AARS1: variants seen among roughly 807,000 people sequenced by gnomAD.
AARS1 encodes the protein alanine--tRNA ligase, cytoplasmic.
Under a neutral mutation model 108.9 loss-of-function variants are expected in AARS1, and 72 were observed. The ratio of observed to expected loss-of-function variants is 0.66; its 90% CI spans 0.55 to 0.80. The LOEUF (loss-of-function observed/expected upper bound fraction) is 0.80, where lower values mean the gene tolerates loss of function less well. Ranked by LOEUF, AARS1 falls within the 30% of genes least tolerant of loss-of-function variation. The pLI is 0.00. For synonymous variants in AARS1, 489 were observed against 465.7 expected (o/e 1.05, Z -0.64); for missense variants, 1,193 against 1,233.2 (o/e 0.97, Z 0.49).
intron 16 of AARS1, among the ~76,000 whole-genome samples, chr16:70,255,387 A>C (rs557167313): frequency 1.3e-5 from 2 of 151,960 alleles, no homozygotes; most frequent in East Asian, 3.9e-4. Context: ...TTTAGTAGAG[A>C]CAGGGTTTCA....
chr16:70,275,464 T>C (rs912474883), intron 4 of AARS1, among the ~76,000 whole-genome samples: 1 of 128,658 alleles, frequency 7.8e-6, no homozygotes, highest in Non-Finnish European at 1.6e-5. Context: ...AAAATATATA[T>C]ATATAAAAAA....
chr16:70,257,364 G>A (rs925554202), intron 15 of AARS1, among the ~76,000 whole-genome samples: 4 of 152,094 alleles, frequency 2.6e-5, no homozygotes, highest in Admixed American at 6.5e-5. Context: ...GCAATGAGCC[G>A]AGACTGTGCC....
At chr16:70,282,522 C>A in intron 2 of AARS1, 98 bp downstream of exon 2, 1 of 1,462,622 alleles carries the variant, frequency 6.8e-7, no homozygotes. Flanking sequence ...CAGGGAGTGA[C>A]AGAACCAGAA....
In AARS1 at chr16:70,253,367, GGCTTCATTCA is replaced by G; in HGVS notation, c.2612_2621del (p.Leu871ProfsTer2). 6.2e-7 allele frequency: 1 copy of G among 1,614,030 alleles called. No individual in the cohort carries two copies. The highest frequency in any genetic ancestry group is 1.1e-5 in the South Asian group (1 of 91,068). ...GGGAGTGCATCTTGAAGAGCTTCAA[GGCTTCATTCA>G]GGGCCTGTGGGGAGGACCTGGCTCA... On this transcript the variant is annotated frameshift_variant, in exon 20 of 21. Coordinates refer to ENST00000261772, the MANE Select transcript of AARS1 (RefSeq NM_001605.3). LOFTEE classifies it high-confidence loss of function.
intron 1 of AARS1, 81 bp from the exon 2 acceptor site, chr16:70,282,865 A>G (rs1356548866): frequency 7.1e-7 from 1 of 1,414,906 alleles, no homozygotes; most frequent in Non-Finnish European, 9.9e-7. Context: ...CTGGCTTCTC[A>G]AGCCAAGTCA....
In AARS1 at chr16:70,253,969, T is replaced by C. The variant is rs1358638513; in HGVS notation, c.2470A>G (p.Lys824Glu). Reference protein sequence around the residue: ...ELRETLKSLKKVMDDLDRASK... With the variant: ...ELRETLKSLKEVMDDLDRASK... ...GCTCGGTCCAAGTCATCCATGACCTTCTTTAGGGATTTGAGAGTCTCCCGC... is the reference window on the plus strand; with the variant it reads ...GCTCGGTCCAAGTCATCCATGACCTCCTTTAGGGATTTGAGAGTCTCCCGC... The change falls in exon 18 of 21, where the codon AAG (lysine) becomes GAG (glutamate). Residue 824 changes from lysine (K) to glutamate (E), a missense_variant. Lys to Glu is a moderately conservative substitution (Grantham distance 56). Coordinates refer to ENST00000261772, the MANE Select transcript of AARS1 (RefSeq NM_001605.3). 3 of 1,614,142 alleles carry C rather than the reference T, an allele frequency of 1.9e-6. No individual in the cohort carries two copies. The highest frequency in any genetic ancestry group is 1.1e-5 in the South Asian group (1 of 91,078).
intron 4 of AARS1, among the ~76,000 whole-genome samples, chr16:70,275,719 C>T (rs185434047): frequency 3.0e-4 from 46 of 151,218 alleles, no homozygotes; most frequent in Admixed American, 3.3e-4. Context: ...GCTGAGATCG[C>T]GCCACTGCAC....
chr16:70,272,028 G>T, intron 4 of AARS1, 56 bp from the exon 5 acceptor site: 1 of 1,546,202 alleles, frequency 6.5e-7, no homozygotes, highest in South Asian at 1.1e-5. Context: ...GTTCTGCCCA[G>T]ACTTGCAACC....
intron 4 of AARS1, among the ~76,000 whole-genome samples, chr16:70,275,624 G>A (rs188113250): frequency 5.1e-4 from 78 of 151,802 alleles, no homozygotes; most frequent in African/African-American, 1.7e-3. Flanking sequence ...TTAGCCGGGC[G>A]TGGTGGTGGG....
At chr16:70,262,077 T>C (rs1597437575) in intron 12 of AARS1, among the ~76,000 whole-genome samples, 1 of 152,068 alleles carries the variant, frequency 6.6e-6, no homozygotes. Context: ...CAAGGACATC[T>C]CCCCTTCAGA....
At chr16:70,253,641 G>A in intron 19 of AARS1, 73 bp downstream of exon 19, 1 of 1,531,844 alleles carries the variant, frequency 6.5e-7, no homozygotes, top group Non-Finnish European at 9.0e-7. Flanking sequence ...TTCGCTCAGA[G>A]CCACAGAGGC....
chr16:70,277,104 C>T lies in AARS1; in HGVS notation c.195G>A (p.Lys65=), dbSNP rs755100106. Residue 65 remains lysine (K), a synonymous_variant, in exon 3 of 21, where the codon AAG becomes AAA. Coordinates refer to ENST00000261772, the MANE Select transcript of AARS1 (RefSeq NM_001605.3). Reference sequence around the variant, plus strand: ...TCTGGGTATTGGCAGCTCTGCTCAGCTTTGCCATGGGGTGAGATGGGTCAA... The same window carrying T: ...TCTGGGTATTGGCAGCTCTGCTCAGTTTTGCCATGGGGTGAGATGGGTCAA... ...NTIDPSHPMA[K]LSRAANTQKC... is the part of the protein sequence containing the mutation. 1.9e-6 allele frequency: 3 copies of T among 1,614,182 alleles called. No individual in the cohort carries two copies. The East Asian group carries it at 6.7e-5, about 36-fold the overall frequency.
At chr16:70,275,128 C>T (rs1227582170) in intron 4 of AARS1, among the ~76,000 whole-genome samples, 2 of 151,170 alleles carry the variant, frequency 1.3e-5, no homozygotes, top group Middle Eastern at 3.5e-3. Flanking sequence ...GGTGTGGTGG[C>T]GCGCACCTGT....
At chr16:70,272,279 C>G (rs573432197) in intron 4 of AARS1, among the ~76,000 whole-genome samples, 1 of 151,364 alleles carries the variant, frequency 6.6e-6, no homozygotes. Context: ...CCGAGGCGGG[C>G]GGATCACCTG....
intron 16 of AARS1, among the ~76,000 whole-genome samples, chr16:70,255,194 AT>A (rs946837808): frequency 0.042 from 4,365 of 104,196 alleles, 44 homozygotes; most frequent in East Asian, 0.1. Context: ...CCAGATTCAC[AT>A]TTTTTTTTTT....
chr16:70,273,929 C>T (rs1309765621), intron 4 of AARS1, among the ~76,000 whole-genome samples: 2 of 149,948 alleles, frequency 1.3e-5, no homozygotes, highest in East Asian at 2.0e-4. Context: ...CCTAGTTACT[C>T]GGGAGGCTGA....
intron 6 of AARS1, 24 bp downstream of exon 6, chr16:70,270,172 C>T (rs56115411): frequency 6.2e-7 from 1 of 1,613,820 alleles, no homozygotes; most frequent in Non-Finnish European, 8.5e-7. Context: ...CAGAAGTTTA[C>T]AATGTTTGCA....
chr16:70,252,650 A>C lies in AARS1; in HGVS notation c.*71T>G, dbSNP rs1417767302. The C allele has an allele frequency of 7.1e-6, 11 of 1,558,870 alleles. No individual in the cohort carries two copies. Among genetic ancestry groups the C allele is most frequent in the Middle Eastern group, 2.1e-4 (1 of 4,670 alleles). On this transcript the variant is annotated 3_prime_UTR_variant, in exon 21 of 21. Transcript: ENST00000261772. ...GGCTCTTTAAAGGTCCCAAGATTCA[A>C]ATGTTCTTGTAGCAGATGAAGAGCT...
chr16:70,270,738 G>C (rs1331487831), intron 5 of AARS1, among the ~76,000 whole-genome samples: 4 of 150,820 alleles, frequency 2.7e-5, no homozygotes, highest in Non-Finnish European at 4.4e-5. Flanking sequence ...TCGGGAGGCT[G>C]AAGCAGGAGA....
Sources: allele counts gnomAD v4.1 joint callset (sites outside exome capture counted in the v4.1 genomes callset), GRCh38; gene constraint gnomAD v4.1.1; transcripts MANE v1.5; gene names NCBI Gene and HGNC (gene_info 2026-07-23, HGNC 2026-07-21).